PRR14: variants seen among roughly 807,000 people sequenced by gnomAD.
PRR14 encodes proline-rich protein 14.
In PRR14, 33 loss-of-function variants were observed where a neutral mutation model predicts 57.2. The ratio of observed to expected loss-of-function variants is 0.58; its 90% CI spans 0.44 to 0.77. The LOEUF is 0.77. Among genes scored for constraint, PRR14 ranks in the 30% least tolerant of loss-of-function variants. The pLI is 0.00. For synonymous variants in PRR14, 303 were observed against 314.7 expected, an observed-to-expected ratio of 0.96 and a Z score of 0.39; for missense variants, 716 against 788.1, an observed-to-expected ratio of 0.91 and a Z score of 1.10.
At chr16:30,654,428 G>T in intron 7 of PRR14, 89 bp downstream of exon 7, 2 of 1,185,120 alleles carry the variant, frequency 1.7e-6, no homozygotes, top group South Asian at 1.2e-5. Flanking sequence ...GTTGGGGATA[G>T]GGCTTAAGCC....
Position 30,654,734 on chromosome 16 carries a change from C to G in PRR14, c.764C>G (p.Ser255Cys), listed in dbSNP as rs753107936. The part of the protein sequence containing the change: ...GLAPLFRSVR[S>C]KLESFADIFL... ...GCCCCGCTCTTCCGTTCCGTCCGCT[C>G]CAAGCTGGAGAGCTTTGCTGACATC... is the stretch of plus-strand genomic sequence containing the variant. The change falls in exon 8 of 12, where the codon TCC becomes TGC. Residue 255 changes from serine to cysteine, a missense_variant. Transcript: ENST00000300835. 15 of 1,613,666 alleles carry G rather than the reference C, an allele frequency of 9.3e-6. No homozygotes were observed. Among genetic ancestry groups the G allele is most frequent in the Non-Finnish European group, 1.3e-5 (15 of 1,179,966 alleles).
upstream of PRR14, chr16:30,650,929 A>C (rs1044220891): frequency 3.9e-5 from 17 of 431,000 alleles, no homozygotes; most frequent in African/African-American, 2.2e-4. Flanking sequence ...GGACGCGAGG[A>C]GGGAAGGGGC....
Position 30,653,081 on chromosome 16 carries a change from C to T in PRR14, c.482C>T (p.Ala161Val), listed in dbSNP as rs1437808852. The T allele has an allele frequency of 1.9e-6, 3 of 1,611,360 alleles. No homozygotes were observed. Among genetic ancestry groups the T allele is most frequent in the Non-Finnish European group, 2.5e-6 (3 of 1,178,654 alleles). ...CTGGTGGTGATGCTGGAAGACATCG[C>T]CAGTCCTAGACCCCCCGCTGAGGTA... ...PTLVVMLEDI[A>V]SPRPPAEGFI... The change falls in exon 5 of 12, where the codon GCC becomes GTC. Residue 161 changes from alanine to valine, a missense_variant. By Grantham distance (64) the Ala-to-Val change is moderately conservative. Coordinates refer to ENST00000300835, the MANE Select transcript of PRR14 (RefSeq NM_024031.5).
chr16:30,655,532 C>T lies in PRR14; in HGVS notation c.1345C>T (p.Arg449Cys), dbSNP rs576468884. The T allele has an allele frequency of 1.1e-5, 18 of 1,614,240 alleles. No individual in the cohort carries two copies. In the East Asian group the frequency reaches 2.7e-4, roughly 24 times the overall value. ...GGGAAAGGTTTCTCGATTCAGAATA[C>T]GCAGAACACCAGCCCGTCCTCAGCT... is the stretch of plus-strand genomic sequence containing the variant. ...TMGKVSRFRI[R>C]RTPARPQLNL... Residue 449 changes from arginine (R) to cysteine (C), a missense_variant, in exon 10 of 12, where the codon CGC (arginine) becomes TGC (cysteine). Physicochemically the swap from Arg to Cys is radical, Grantham distance 180 (BLOSUM62 -3). Transcript: ENST00000300835. This position sits in a 1 kb window ranked among gnomAD's most constrained non-coding sequence, Gnocchi z 4.6.
Position 30,651,675 on chromosome 16 carries a change from G to C in PRR14, c.23+7G>C, listed in dbSNP as rs781676702. The C allele has an allele frequency of 5.0e-6, 8 of 1,611,776 alleles. No individual in the cohort carries two copies. The South Asian group carries it at 8.8e-5, about 18-fold the overall frequency. On this transcript the variant is annotated splice_region_variant and intron_variant, in intron 2 of 11. Transcript: ENST00000300835. This position sits in a 1 kb window ranked among gnomAD's most constrained non-coding sequence, Gnocchi z 5.0. ...ACTTGCCCGGGGACTCCAGGTGAGA[G>C]CGTACCCGGGCGGCCCGCCTGTCTT...
chr16:30,653,127 G>A, intron 5 of PRR14, 24 bp downstream of exon 5: 2 of 1,572,902 alleles, frequency 1.3e-6, no homozygotes, highest in Non-Finnish European at 1.7e-6. Flanking sequence ...GGGTACGGAT[G>A]TCAAGGGTTC....
rs201512164 is a variant in PRR14, at chr16:30,655,455, G to A, written c.1314+35G>A. On this transcript the variant is annotated intron_variant, in intron 9 of 11. Transcript: ENST00000300835. The surrounding 1 kb of genome is among the most constrained non-coding windows in gnomAD (Gnocchi z 4.6). ...CAGATCGGGTAGAAGAGACTAGTGGGGGCCTGAGCCCATGTCACTCTTTCA... is the reference window on the plus strand; with the variant it reads ...CAGATCGGGTAGAAGAGACTAGTGGAGGCCTGAGCCCATGTCACTCTTTCA... 7.4e-6 allele frequency: 12 copies of A among 1,613,824 alleles called. No homozygotes were observed. The Admixed American group carries it at 1.7e-4, about 22-fold the overall frequency.
In PRR14 at chr16:30,656,146, A is replaced by C; in HGVS notation, c.1593A>C (p.Ser531=). Residue 531 remains serine, a synonymous_variant, in exon 12 of 12, where the codon TCA becomes TCC. Transcript: ENST00000300835. ...TTCGGGACAGCAGCCTTCCTCGATC[A>C]CGAAGACCGTCCCGTGGGGTCCGGG... ...VEFRDSSLPR[S]RRPSRGVRAA... is the part of the protein sequence containing the mutation. The C allele has an allele frequency of 6.3e-7, 1 of 1,583,308 alleles. No homozygotes were observed. Among genetic ancestry groups the C allele is most frequent in the Non-Finnish European group, 8.6e-7 (1 of 1,166,184 alleles).
chr16:30,653,200 G>A (rs1412932295), intron 5 of PRR14, 97 bp downstream of exon 5: 1 of 1,418,590 alleles, frequency 7.0e-7, no homozygotes, highest in Non-Finnish European at 9.7e-7. Context: ...TTTTCTTGGG[G>A]TGAGGAGGAT....
At position 30,654,752 on chromosome 16, in the gene PRR14, C is replaced by G. The variant is rs778861468; in HGVS notation, c.782C>G (p.Ala261Gly). Reference protein sequence around the residue: ...RSVRSKLESFADIFLTPNKTP... With the variant: ...RSVRSKLESFGDIFLTPNKTP... The stretch of plus-strand genomic sequence containing the variant: ...GTCCGCTCCAAGCTGGAGAGCTTTG[C>G]TGACATCTTCCTCACGCCCAACAAA... Residue 261 changes from alanine (A) to glycine (G), a missense_variant, in exon 8 of 12, where the codon GCT becomes GGT. Ala to Gly is a moderately conservative substitution (Grantham distance 60). Coordinates refer to ENST00000300835, the MANE Select transcript of PRR14 (RefSeq NM_024031.5). 6.2e-7 allele frequency: 1 copy of G among 1,613,474 alleles called. No homozygotes were observed. The highest frequency in any genetic ancestry group is 1.1e-5 in the South Asian group (1 of 91,078).
rs149001856 is a variant in PRR14, at chr16:30,654,682, C to T, written c.712C>T (p.Arg238Cys). 1.5e-4 allele frequency: 250 copies of T among 1,613,240 alleles called. No homozygotes were observed. The highest frequency in any genetic ancestry group is 1.9e-4 in the Non-Finnish European group (225 of 1,179,712). The part of the protein sequence containing the change: ...PSTPPPSSLL[R>C]PRLSPWGLAP... ...CACCCCACCACCGTCCAGCCTTTTA[C>T]GCCCCCGCCTCAGTCCCTGGGGCTT... is the stretch of plus-strand genomic sequence containing the variant. Residue 238 changes from arginine to cysteine, a missense_variant, in exon 8 of 12, where the codon CGC becomes TGC. Arg to Cys is a radical substitution (Grantham distance 180). Coordinates refer to ENST00000300835, the MANE Select transcript of PRR14 (RefSeq NM_024031.5).
rs1376640508 is a variant in PRR14, at chr16:30,651,711, G to A, written c.23+43G>A. ...CGGCCCGCCTGTCTTGACCCCGGGA[G>A]ATGGGGATCCTGGCGACCGTGCCGG... On this transcript the variant is annotated intron_variant, in intron 2 of 11. Coordinates refer to ENST00000300835, the MANE Select transcript of PRR14 (RefSeq NM_024031.5). The surrounding 1 kb of genome is among the most constrained non-coding windows in gnomAD (Gnocchi z 5.0). The A allele has an allele frequency of 6.2e-7, 1 of 1,612,190 alleles. No homozygotes were observed. The highest frequency in any genetic ancestry group is 2.2e-5 in the East Asian group (1 of 44,864).
chr16:30,650,785 C>CCGGGATCCA, upstream of PRR14: 1 of 238,850 alleles, frequency 4.2e-6, no homozygotes, highest in East Asian at 1.1e-4. Context: ...TGCGGAAGAC[C>CCGGGATCCA]CGGGATCCAC....
At chr16:30,653,479 G>C in intron 6 of PRR14, 71 bp downstream of exon 6, 1 of 1,480,892 alleles carries the variant, frequency 6.8e-7, no homozygotes, top group Non-Finnish European at 9.4e-7. Flanking sequence ...CAGAGCTAGG[G>C]GCATCGGGAC....
Position 30,651,941 on chromosome 16 carries a change from G to A in PRR14, c.169G>A (p.Glu57Lys). The change falls in exon 3 of 12, where the codon GAA (glutamate) becomes AAA (lysine). Residue 57 changes from glutamate (E) to lysine (K), a missense_variant. Coordinates refer to ENST00000300835, the MANE Select transcript of PRR14 (RefSeq NM_024031.5). The surrounding 1 kb of genome is among the most constrained non-coding windows in gnomAD (Gnocchi z 5.0). ...TCGGCGGGTCCTGGCCGTGGTGCTA[G>A]AAGATGTCATGGCTGTTCACATGGT... is the stretch of plus-strand genomic sequence containing the variant. ...ASRRVLAVVL[E>K]DVMAVHMVPV... The A allele has an allele frequency of 6.4e-7, 1 of 1,556,152 alleles. No individual in the cohort carries two copies. Among genetic ancestry groups the A allele is most frequent in the Non-Finnish European group, 8.7e-7 (1 of 1,153,844 alleles).
chr16:30,653,293 TGAAA>T (rs1247693992), intron 5 of PRR14, 68 bp from the exon 6 acceptor site: 23 of 1,535,566 alleles, frequency 1.5e-5, no homozygotes, highest in Middle Eastern at 3.4e-4. Context: ...ATCCGGGAAC[TGAAA>T]GAGTCAGGAT....
Position 30,656,329 on chromosome 16 carries a change from C to A in PRR14, c.*18C>A. ...GGACCTAGGTGCCCCATCTGTTGGT[C>A]ATCCATCCTGAAGGGACAGGAAACC... On this transcript the variant is annotated 3_prime_UTR_variant, in exon 12 of 12. Coordinates refer to ENST00000300835, the MANE Select transcript of PRR14 (RefSeq NM_024031.5). 1.2e-6 allele frequency: 2 copies of A among 1,600,314 alleles called. No homozygotes were observed. The highest frequency in any genetic ancestry group is 2.2e-5 in the South Asian group (2 of 89,326).
intron 3 of PRR14, 71 bp from the exon 4 acceptor site, chr16:30,652,640 GGGCACTGTGA>G: frequency 6.5e-7 from 1 of 1,550,240 alleles, no homozygotes; most frequent in Non-Finnish European, 8.9e-7. Flanking sequence ...TTGTGGCTCA[GGGCACTGTGA>G]GGCACAGGGA....
chr16:30,655,917 T>C lies in PRR14; in HGVS notation c.1456T>C (p.Tyr486His). The change falls in exon 11 of 12, where the codon TAC becomes CAC. Residue 486 changes from tyrosine (Y) to histidine (H), a missense_variant. Coordinates refer to ENST00000300835, the MANE Select transcript of PRR14 (RefSeq NM_024031.5). The surrounding 1 kb of genome is among the most constrained non-coding windows in gnomAD (Gnocchi z 4.6). The stretch of plus-strand genomic sequence containing the variant: ...GGAAGAAATTTACACCAACAAGAAT[T>C]ACCAATCACCCACAACCAGGAGGTG... ...SLEEIYTNKN[Y>H]QSPTTRRTFE... is the part of the protein sequence containing the mutation. The C allele has an allele frequency of 6.2e-7, 1 of 1,614,016 alleles. No homozygotes were observed. Among genetic ancestry groups the C allele is most frequent in the Non-Finnish European group, 8.5e-7 (1 of 1,180,008 alleles).
Sources: gnomAD v4.1 joint callset for allele counts on GRCh38, gnomAD v4.1.1 for gene constraint, Gnocchi (gnomAD v3.1) non-coding constraint, MANE v1.5 for transcripts, NCBI Gene and HGNC (gene_info 2026-07-23, HGNC 2026-07-21) for gene names.